CNBP: variants seen among roughly 807,000 people sequenced by gnomAD.
The protein encoded by CNBP is cellular nucleic acid-binding protein.
Under a neutral mutation model 21.2 loss-of-function variants are expected in CNBP, and 6 were observed. That is an observed-to-expected ratio of 0.28 (90% CI 0.16 to 0.56). The LOEUF (loss-of-function observed/expected upper bound fraction) is 0.56. CNBP is among the 20% of genes least tolerant of loss of function. The pLI is 0.93. For missense variants in CNBP, 112 were observed against 233.1 expected, an observed-to-expected ratio of 0.48 and a Z score of 3.38; for synonymous variants, 61 against 74.9, an observed-to-expected ratio of 0.81 and a Z score of 0.96.
intron 1 of CNBP, among the ~76,000 whole-genome samples, chr3:129,178,313 C>T (rs1047477047): frequency 6.6e-6 from 1 of 152,058 alleles, no homozygotes; most frequent in African/African-American, 2.4e-5. Flanking sequence ...AATTTGTCTT[C>T]CTTAATGTCA....
intron 1 of CNBP, among the ~76,000 whole-genome samples, chr3:129,175,648 T>C (rs1037074443): frequency 6.6e-6 from 1 of 152,106 alleles, no homozygotes; most frequent in Non-Finnish European, 1.5e-5. Flanking sequence ...CAGGATGGTC[T>C]CGATCTCCTG....
intron 1 of CNBP, among the ~76,000 whole-genome samples, chr3:129,176,831 T>C (rs1423101447): frequency 1.3e-5 from 2 of 152,190 alleles, no homozygotes; most frequent in Non-Finnish European, 2.9e-5. Context: ...TTTTTTTAAA[T>C]CCACTAACAG....
At chr3:129,179,011 C>T (rs557743048) in intron 1 of CNBP, among the ~76,000 whole-genome samples, 2 of 152,252 alleles carry the variant, frequency 1.3e-5, no homozygotes, top group African/African-American at 4.8e-5. Flanking sequence ...GGTGTGCTGG[C>T]TCACACCTGT....
chr3:129,170,372 C>G lies in CNBP; in HGVS notation c.*81G>C. The G allele has an allele frequency of 8.0e-7, 1 of 1,251,032 alleles. No homozygotes were observed. Among genetic ancestry groups the G allele is most frequent in the Non-Finnish European group, 1.2e-6 (1 of 853,288 alleles). 77.5% of individuals were successfully genotyped at this position (1,251,032 alleles called of 1,614,324 possible). A position where few individuals can be genotyped will look rare whatever the true frequency, so the allele number is the denominator to read the frequency against. Reference sequence around the variant, plus strand: ...TGGCCTGGGAGTTGCCTCTATCTGCCAACCTTTGGCCAGTGAAGAGGATTC... The same window carrying G: ...TGGCCTGGGAGTTGCCTCTATCTGCGAACCTTTGGCCAGTGAAGAGGATTC... On this transcript the variant is annotated 3_prime_UTR_variant, in exon 5 of 5. Coordinates refer to ENST00000422453, the MANE Select transcript of CNBP (RefSeq NM_003418.5).
At chr3:129,177,682 G>A (rs1390760491) in intron 1 of CNBP, among the ~76,000 whole-genome samples, 3 of 152,162 alleles carry the variant, frequency 2.0e-5, no homozygotes, top group South Asian at 2.1e-4. Flanking sequence ...ATGGAATGGA[G>A]AAGAGATTAA....
chr3:129,179,114 C>T (rs1938115841), intron 1 of CNBP, among the ~76,000 whole-genome samples: 1 of 151,790 alleles, frequency 6.6e-6, no homozygotes, highest in Non-Finnish European at 1.5e-5. Context: ...CCCGTCTCTA[C>T]TAAAAACACA....
In CNBP at chr3:129,170,386, TG is replaced by T; in HGVS notation, c.*66del. The T allele has an allele frequency of 7.3e-7, 1 of 1,368,798 alleles. No individual in the cohort carries two copies. Among genetic ancestry groups the T allele is most frequent in the South Asian group, 1.2e-5 (1 of 86,048 alleles). The allele number at this position is 1,368,798 out of a possible 1,614,324, so 84.8% of individuals were successfully genotyped here. Reference sequence around the variant, plus strand: ...CCTCTATCTGCCAACCTTTGGCCAGTGAAGAGGATTCAGAGAAAATAATACA... The same window carrying T: ...CCTCTATCTGCCAACCTTTGGCCAGTAAGAGGATTCAGAGAAAATAATACA... On this transcript the variant is annotated 3_prime_UTR_variant, in exon 5 of 5. Coordinates refer to ENST00000422453, the MANE Select transcript of CNBP (RefSeq NM_003418.5).
chr3:129,179,513 A>G (rs1938145945), intron 1 of CNBP, among the ~76,000 whole-genome samples: 1 of 152,150 alleles, frequency 6.6e-6, no homozygotes, highest in Non-Finnish European at 1.5e-5. Context: ...TCATTAGTAA[A>G]CATATCTATA....
Position 129,172,648 on chromosome 3 carries a change from GCAGGCAGGCAGACAGA to G in CNBP, c.-14-893_-14-878del, listed in dbSNP as rs1405069982. On this transcript the variant is annotated intron_variant, in intron 1 of 4. Coordinates refer to ENST00000422453, the MANE Select transcript of CNBP (RefSeq NM_003418.5). The stretch of plus-strand genomic sequence containing the variant: ...GCCAGGCAGGCAGGCAGGCAGGCAG[GCAGGCAGGCAGACAGA>G]CAGACAGACAGACAGACAGACAGAC... Among the ~76,000 whole-genome samples the G allele has an allele frequency of 6.3e-3, 697 of 109,836 alleles. 5 individuals are homozygous for G. The highest frequency in any genetic ancestry group is 0.013 in the Middle Eastern group (3 of 228). The allele number at this position is 109,836 out of a possible 152,430, so 72.1% of individuals were successfully genotyped here.
chr3:129,183,065 T>G (rs1026004576), intron 1 of CNBP, among the ~76,000 whole-genome samples: 67 of 152,146 alleles, frequency 4.4e-4, no homozygotes, highest in Admixed American at 2.2e-3. Context: ...GATTCTCCTG[T>G]CCAGCCTCCC....
In CNBP at chr3:129,175,532, C is replaced by A. The variant is rs1012526840; in HGVS notation, c.-14-3761G>T. ...GCAACCTTCACCTCCTGGGTTCAAGCGATTCCCCTGCCTCAGCCTCCCACA... is the reference window on the plus strand; with the variant it reads ...GCAACCTTCACCTCCTGGGTTCAAGAGATTCCCCTGCCTCAGCCTCCCACA... On this transcript the variant is annotated intron_variant, in intron 1 of 4. Transcript: ENST00000422453. Among the ~76,000 whole-genome samples the A allele has an allele frequency of 2.7e-5, 4 of 149,578 alleles. 1 individual carries two copies. The highest frequency in any genetic ancestry group is 3.2e-3 in the Middle Eastern group (1 of 314).
At chr3:129,178,565 A>T (rs1938077948) in intron 1 of CNBP, among the ~76,000 whole-genome samples, 1 of 152,172 alleles carries the variant, frequency 6.6e-6, no homozygotes, top group Non-Finnish European at 1.5e-5. Context: ...AGCTGTACAC[A>T]TTCACATTTG....
chr3:129,176,200 C>T (rs945702350), intron 1 of CNBP, among the ~76,000 whole-genome samples: 3 of 152,134 alleles, frequency 2.0e-5, no homozygotes, highest in African/African-American at 4.8e-5. Flanking sequence ...GTCTCATTGC[C>T]TGTGACTGCT....
intron 1 of CNBP, among the ~76,000 whole-genome samples, chr3:129,172,640 GCAGGCAGGCAGGCAGGCAGA>G (rs1560034814): frequency 2.7e-3 from 92 of 34,276 alleles, no homozygotes; most frequent in Non-Finnish European, 4.3e-3. Flanking sequence ...AGGCAGGCAG[GCAGGCAGGCAGGCAGGCAGA>G]CAGACAGACA....
chr3:129,178,559 G>A (rs956230409), intron 1 of CNBP, among the ~76,000 whole-genome samples: 4 of 152,174 alleles, frequency 2.6e-5, no homozygotes, highest in African/African-American at 9.7e-5. Flanking sequence ...TAACACAGCT[G>A]TACACATTCA....
chr3:129,171,862 G>T, intron 1 of CNBP, 91 bp from the exon 2 acceptor site: 1 of 1,359,128 alleles, frequency 7.4e-7, no homozygotes, highest in Non-Finnish European at 9.9e-7. Flanking sequence ...AATTATTCTG[G>T]GGAAAAAAGC....
At chr3:129,175,054 A>G (rs1669816167) in intron 1 of CNBP, among the ~76,000 whole-genome samples, 1 of 151,970 alleles carries the variant, frequency 6.6e-6, no homozygotes, top group African/African-American at 2.4e-5. Flanking sequence ...AAATTAGGGC[A>G]GGCGTGGTGG....
intron 4 of CNBP, 67 bp from the exon 5 acceptor site, chr3:129,170,637 A>G (rs1273228864): frequency 2.5e-6 from 3 of 1,220,552 alleles, no homozygotes; most frequent in Non-Finnish European, 3.6e-6. Context: ...AGCAACAGTC[A>G]CCATGCAGAA....
At chr3:129,176,532 G>C (rs979555773) in intron 1 of CNBP, among the ~76,000 whole-genome samples, 1 of 152,154 alleles carries the variant, frequency 6.6e-6, no homozygotes, top group African/African-American at 2.4e-5. Context: ...GGGGACAGGT[G>C]TCTTTAGCAA....
Sources: allele counts gnomAD v4.1 joint callset (sites outside exome capture counted in the v4.1 genomes callset), GRCh38; gene constraint gnomAD v4.1.1; transcripts MANE v1.5; gene names NCBI Gene and HGNC (gene_info 2026-07-23, HGNC 2026-07-21).